NYNRIN: variants seen among roughly 807,000 people sequenced by gnomAD.
NYNRIN encodes the protein NYN domain and retroviral integrase containing.
A neutral mutation model predicts 146.6 loss-of-function variants in NYNRIN; 86 were observed. That is an observed-to-expected ratio of 0.59 (90% CI 0.49 to 0.70). NYNRIN has a LOEUF of 0.70. Among genes scored for constraint, NYNRIN ranks in the 30% least tolerant of loss-of-function variants. The pLI, the probability that NYNRIN is intolerant of heterozygous loss-of-function variation, is 0.00. For synonymous variants in NYNRIN, 1,027 were observed against 1,001.3 expected (o/e 1.03, Z -0.48); for missense variants, 2,191 against 2,377.7 (o/e 0.92, Z 1.63).
In NYNRIN at chr14:24,410,182, C is replaced by T; in HGVS notation, c.2388C>T (p.Val796=). 3.7e-6 allele frequency: 6 copies of T among 1,605,506 alleles called. No individual in the cohort carries two copies. Among genetic ancestry groups the T allele is most frequent in the Non-Finnish European group, 5.1e-6 (6 of 1,174,440 alleles). ...EPGNQGLRRV[V]IDGSSVAMVH... The stretch of plus-strand genomic sequence containing the variant: ...GAAACCAGGGGTTGCGGCGAGTGGT[C>T]ATCGATGGCAGCAGTGTGGCCATGG... The change falls in exon 4 of 9, where the codon GTC becomes GTT. Residue 796 remains valine, a synonymous_variant. Transcript: ENST00000382554.
Position 24,417,546 on chromosome 14 carries a change from G to C in NYNRIN, c.*100G>C. 3 of 1,384,366 alleles carry C rather than the reference G, an allele frequency of 2.2e-6. No individual in the cohort carries two copies. The highest frequency in any genetic ancestry group is 2.8e-6 in the Non-Finnish European group (3 of 1,070,300). The allele number at this position is 1,384,366 out of a possible 1,614,324, so 85.8% of individuals were successfully genotyped here. ...GCTCTCAGTCCACTGGGGGCCCTCA[G>C]TTGTGCCTTTTGTAGAGAACTTGCT... On this transcript the variant is annotated 3_prime_UTR_variant, in exon 9 of 9. Coordinates refer to ENST00000382554, the MANE Select transcript of NYNRIN (RefSeq NM_025081.3).
Position 24,409,248 on chromosome 14 carries a change from C to T in NYNRIN, c.1454C>T (p.Ser485Phe), listed in dbSNP as rs773641062. The T allele has an allele frequency of 6.2e-7, 1 of 1,614,026 alleles. No individual in the cohort carries two copies. The highest frequency in any genetic ancestry group is 1.7e-5 in the Admixed American group (1 of 60,026). ...DLPQIGPPLTSTPQLQAGGEP... is the reference protein window; with the variant it reads ...DLPQIGPPLTFTPQLQAGGEP... Reference sequence around the variant, plus strand: ...CCACAGATAGGGCCACCCTTGACCTCTACACCCCAACTACAGGCTGGAGGT... The same window carrying T: ...CCACAGATAGGGCCACCCTTGACCTTTACACCCCAACTACAGGCTGGAGGT... The change falls in exon 4 of 9, where the codon TCT (serine) becomes TTT (phenylalanine). Residue 485 changes from serine (S) to phenylalanine (F), a missense_variant. Coordinates refer to ENST00000382554, the MANE Select transcript of NYNRIN (RefSeq NM_025081.3).
At chr14:24,400,785 C>CTTTTTT (rs376993405) in intron 2 of NYNRIN, among the ~76,000 whole-genome samples, 5 of 136,314 alleles carry the variant, frequency 3.7e-5, no homozygotes, top group African/African-American at 2.7e-5. Context: ...CTTTCTTTTT[C>CTTTTTT]TTTTTTTTTT....
Position 24,415,506 on chromosome 14 carries a change from G to T in NYNRIN, c.3757G>T (p.Ala1253Ser), listed in dbSNP as rs767728039. 3 of 1,613,882 alleles carry T rather than the reference G, an allele frequency of 1.9e-6. No individual in the cohort carries two copies. Among genetic ancestry groups the T allele is most frequent in the South Asian group, 2.2e-5 (2 of 91,086 alleles). Reference protein sequence around the residue: ...EVREGRRVSKAWLIRWSLLVQ... With the variant: ...EVREGRRVSKSWLIRWSLLVQ... ...GCGGGAGGGCCGCAGGGTTTCCAAA[G>T]CTTGGTTGATCCGATGGTCCCTCTT... The change falls in exon 9 of 9, where the codon GCT becomes TCT. Residue 1253 changes from alanine (A) to serine (S), a missense_variant. Coordinates refer to ENST00000382554, the MANE Select transcript of NYNRIN (RefSeq NM_025081.3).
chr14:24,417,181 A>G lies in NYNRIN; in HGVS notation c.5432A>G (p.Lys1811Arg). ...HWRVADKASE[K>R]AENRRFKRES... ...AGGGTGGCTGACAAGGCGAGTGAAA[A>G]GGCCGAGAACAGGCGTTTCAAGCGG... The change falls in exon 9 of 9, where the codon AAG (lysine) becomes AGG (arginine). Residue 1811 changes from lysine to arginine, a missense_variant. Lys to Arg is a conservative substitution (Grantham distance 26). Coordinates refer to ENST00000382554, the MANE Select transcript of NYNRIN (RefSeq NM_025081.3). 3 of 1,614,024 alleles carry G rather than the reference A, an allele frequency of 1.9e-6. No individual in the cohort carries two copies. Among genetic ancestry groups the G allele is most frequent in the Non-Finnish European group, 2.5e-6 (3 of 1,179,878 alleles).
intron 2 of NYNRIN, 85 bp from the exon 3 acceptor site, chr14:24,407,784 G>T (rs1178956617): frequency 7.6e-7 from 1 of 1,309,772 alleles, no homozygotes; most frequent in Non-Finnish European, 1.0e-6. Flanking sequence ...GGTTAGTGAG[G>T]GGCTGGCCTT....
chr14:24,414,643 C>T lies in NYNRIN; in HGVS notation c.2894C>T (p.Pro965Leu). ...GNFLKVWKTL[P>L]PSSASVTELS... ...TTCCTGAAGGTGTGGAAGACCCTTC[C>T]TCCCAGCTCAGCCAGTGTCACTGAG... Residue 965 changes from proline (P) to leucine (L), a missense_variant, in exon 9 of 9, where the codon CCT (proline) becomes CTT (leucine). Coordinates refer to ENST00000382554, the MANE Select transcript of NYNRIN (RefSeq NM_025081.3). 6.2e-7 allele frequency: 1 copy of T among 1,613,732 alleles called. No individual in the cohort carries two copies. The highest frequency in any genetic ancestry group is 1.1e-5 in the South Asian group (1 of 91,044).
intron 2 of NYNRIN, 47 bp downstream of exon 2, chr14:24,399,491 C>T: frequency 6.7e-7 from 1 of 1,494,714 alleles, no homozygotes; most frequent in Non-Finnish European, 9.1e-7. Context: ...AGCCAGATCA[C>T]TCTCTCCCCT....
At position 24,411,588 on chromosome 14, in the gene NYNRIN, G is replaced by A; in HGVS notation, c.2642+138G>A. ...GTGTCGGTTGTGCAGAGGGTGGGGT[G>A]GAGCACGGGCATCTGTCAGCAGAGG... On this transcript the variant is annotated intron_variant, in intron 6 of 8. Transcript: ENST00000382554. The surrounding 1 kb of genome is among the most constrained non-coding windows in gnomAD (Gnocchi z 4.3). The A allele has an allele frequency of 2.7e-6, 2 of 739,638 alleles. No individual in the cohort carries two copies. The highest frequency in any genetic ancestry group is 3.3e-5 in the South Asian group (2 of 61,366). The allele number at this position is 739,638 out of a possible 1,614,324, so 45.8% of individuals were successfully genotyped here.
At chr14:24,399,159 C>T (rs2042823395) in intron 1 of NYNRIN, 71 bp from the exon 2 acceptor site, 2 of 1,279,426 alleles carry the variant, frequency 1.6e-6, no homozygotes, top group East Asian at 2.5e-5. Context: ...GTGGCTTAGG[C>T]GCCTGGGGCT....
rs748336726 is a variant in NYNRIN, at chr14:24,414,845, G to C, written c.3096G>C (p.Pro1032=). ...CGTCAGTGTTCAGGGTGGAGTGCCC[G>C]TCCCTTTCGGAGGAGATCCTGCGGT... ...SLASVFRVEC[P]SLSEEILRCL... The change falls in exon 9 of 9, where the codon CCG becomes CCC. Residue 1032 remains proline, a synonymous_variant. Transcript: ENST00000382554. 8.2e-5 allele frequency: 133 copies of C among 1,612,308 alleles called. No individual in the cohort carries two copies. The South Asian group carries it at 1.0e-3, about 12-fold the overall frequency.
At chr14:24,401,909 G>A (rs1394455657) in intron 2 of NYNRIN, among the ~76,000 whole-genome samples, 2 of 152,226 alleles carry the variant, frequency 1.3e-5, no homozygotes, top group Admixed American at 6.5e-5. Context: ...TTCTCATAGG[G>A]AGGCAGCGTG....
chr14:24,415,643 G>A lies in NYNRIN; in HGVS notation c.3894G>A (p.Leu1298=), dbSNP rs1329376392. 7.4e-6 allele frequency: 12 copies of A among 1,613,894 alleles called. No homozygotes were observed. The highest frequency in any genetic ancestry group is 9.3e-6 in the Non-Finnish European group (11 of 1,179,902). The change falls in exon 9 of 9, where the codon CTG becomes CTA. Residue 1298 remains leucine, a synonymous_variant. Transcript: ENST00000382554. ...AASMPRFFQV[L]PPFSDLSTFV... ...CCATGCCTCGCTTCTTCCAGGTTCT[G>A]CCGCCTTTCTCTGACCTGTCCACGT...
rs1353978154 is a variant in NYNRIN, at chr14:24,417,113, C to T, written c.5364C>T (p.Val1788=). The T allele has an allele frequency of 2.5e-6, 4 of 1,613,778 alleles. No individual in the cohort carries two copies. The African/African-American group carries it at 5.3e-5, about 22-fold the overall frequency. The change falls in exon 9 of 9, where the codon GTC becomes GTT. Residue 1788 remains valine (V), a synonymous_variant. Coordinates refer to ENST00000382554, the MANE Select transcript of NYNRIN (RefSeq NM_025081.3). ...ACATTGAAGGGCTCAAGATGGACGTCTTCCTGCTACAGCTGGTGGGGGAGC... is the reference window on the plus strand; with the variant it reads ...ACATTGAAGGGCTCAAGATGGACGTTTTCCTGCTACAGCTGGTGGGGGAGC... ...SANIEGLKMD[V]FLLQLVGELL... is the part of the protein sequence containing the mutation.
rs769561880 is a variant in NYNRIN at position 24,416,104 on chromosome 14, G to T, written c.4355G>T (p.Gly1452Val). The T allele has an allele frequency of 3.1e-6, 5 of 1,613,994 alleles. No individual in the cohort carries two copies. Among genetic ancestry groups the T allele is most frequent in the Non-Finnish European group, 4.2e-6 (5 of 1,179,862 alleles). Residue 1452 changes from glycine (G) to valine (V), a missense_variant, in exon 9 of 9, where the codon GGT becomes GTT. Physicochemically the swap from Gly to Val is moderately radical, Grantham distance 109. This residue lies in a region of NYNRIN where 1,291 missense variants were observed against 1,417.0 expected (regional missense o/e 0.91). Transcript: ENST00000382554. ...DTLAKQGAQGGGQWWSLPKDV... is the reference protein window; with the variant it reads ...DTLAKQGAQGVGQWWSLPKDV... ...CTGGCCAAGCAGGGTGCCCAGGGGG[G>T]TGGGCAGTGGTGGAGTTTGCCAAAG...
chr14:24,411,456 C>T lies in NYNRIN; in HGVS notation c.2642+6C>T. ...ATCACCACCTACGATTATAGGTGTG[C>T]CGGTCCCCAGGCCTGCCCTCCTGGG... On this transcript the variant is annotated splice_donor_region_variant and intron_variant, in intron 6 of 8. Coordinates refer to ENST00000382554, the MANE Select transcript of NYNRIN (RefSeq NM_025081.3). This position sits in a 1 kb window ranked among gnomAD's most constrained non-coding sequence, Gnocchi z 4.3. The T allele has an allele frequency of 6.2e-7, 1 of 1,611,410 alleles. No homozygotes were observed. The highest frequency in any genetic ancestry group is 8.5e-7 in the Non-Finnish European group (1 of 1,177,594).
intron 2 of NYNRIN, 67 bp from the exon 3 acceptor site, chr14:24,407,802 G>A: frequency 6.2e-6 from 9 of 1,461,024 alleles, no homozygotes; most frequent in Non-Finnish European, 8.3e-6. Context: ...CTTTTGGGTG[G>A]CGAGGGCAGA....
At chr14:24,402,977 G>C (rs57462489) in intron 2 of NYNRIN, among the ~76,000 whole-genome samples, 21,707 of 152,182 alleles carry the variant, frequency 0.14, 1,637 homozygotes, top group Non-Finnish European at 0.16. Flanking sequence ...AAAAGAATAT[G>C]TAGACACTAT....
chr14:24,416,447 G>A lies in NYNRIN; in HGVS notation c.4698G>A (p.Leu1566=), dbSNP rs2042947480. The A allele has an allele frequency of 6.2e-7, 1 of 1,613,076 alleles. No homozygotes were observed. Among genetic ancestry groups the A allele is most frequent in the Admixed American group, 1.7e-5 (1 of 59,884 alleles). The change falls in exon 9 of 9, where the codon TTG becomes TTA. Residue 1566 remains leucine, a synonymous_variant. Transcript: ENST00000382554. ...GGCCCGAAGAGACCTACAAGAAGTTGCGTTTGCTGGGGTGGTGGCCTGGGA... is the reference window on the plus strand; with the variant it reads ...GGCCCGAAGAGACCTACAAGAAGTTACGTTTGCTGGGGTGGTGGCCTGGGA... ...HQRPEETYKK[L]RLLGWWPGMQ...
Sources: gnomAD v4.1 joint callset for allele counts (sites outside exome capture counted in the v4.1 genomes callset) on GRCh38, gnomAD v4.1.1 for gene constraint, gnomAD v4.1.1 regional missense constraint, Gnocchi (gnomAD v3.1) non-coding constraint, MANE v1.5 for transcripts, NCBI Gene and HGNC (gene_info 2026-07-23, HGNC 2026-07-21) for gene names.